The following ASIC4 variants were observed in gnomAD, a reference collection of about 807,000 sequenced individuals.
The protein encoded by ASIC4 is acid sensing ion channel subunit family member 4.
Under a neutral mutation model 53.4 loss-of-function variants are expected in ASIC4, and 28 were observed. The observed-to-expected ratio is 0.52, with a 90% CI of 0.39 to 0.72. The LOEUF is 0.72. Ranked by LOEUF, ASIC4 falls within the 30% of genes least tolerant of loss-of-function variation. ASIC4 has a pLI of 0.00. For synonymous variants in ASIC4, 289 were observed against 301.4 expected, an observed-to-expected ratio of 0.96 and a Z score of 0.43; for missense variants, 649 against 729.7, an observed-to-expected ratio of 0.89 and a Z score of 1.27.
chr2:219,515,191 G>T lies in ASIC4; in HGVS notation c.467G>T (p.Arg156Leu). The change falls in exon 1 of 10, where the codon CGC becomes CTC. Residue 156 changes from arginine to leucine, a missense_variant. Transcript: ENST00000358078. Reference sequence around the variant, plus strand: ...GATGGGCACCGTGCGGCTGGCCTGCGCTACCCAGAGCCTGACATGGTAGAC... The same window carrying T: ...GATGGGCACCGTGCGGCTGGCCTGCTCTACCCAGAGCCTGACATGGTAGAC... ...DRDGHRAAGL[R>L]YPEPDMVDIL... The T allele has an allele frequency of 6.2e-7, 1 of 1,614,178 alleles. No homozygotes were observed. The highest frequency in any genetic ancestry group is 8.5e-7 in the Non-Finnish European group (1 of 1,180,016).
chr2:219,537,862 C>A lies in ASIC4; in HGVS notation c.1507-71C>A. On this transcript the variant is annotated intron_variant, in intron 9 of 9. Transcript: ENST00000358078. The surrounding 1 kb of genome is among the most constrained non-coding windows in gnomAD (Gnocchi z 4.9). ...CTCTGCCCGAGGTGACAAGGAAAGGCTGGCGGTGTGAGCCCTGGGGGCACC... is the reference window on the plus strand; with the variant it reads ...CTCTGCCCGAGGTGACAAGGAAAGGATGGCGGTGTGAGCCCTGGGGGCACC... 1 of 1,493,254 alleles carries A rather than the reference C, an allele frequency of 6.7e-7. No individual in the cohort carries two copies. Among genetic ancestry groups the A allele is most frequent in the Non-Finnish European group, 9.2e-7 (1 of 1,092,398 alleles). 92.5% of individuals were successfully genotyped at this position (1,493,254 alleles called of 1,614,324 possible).
chr2:219,531,933 C>T (rs778116037), intron 2 of ASIC4, 31 bp downstream of exon 2: 18 of 1,611,730 alleles, frequency 1.1e-5, no homozygotes, highest in Non-Finnish European at 1.4e-5. Context: ...CAAGGGCCAC[C>T]TTGGGGACTG....
intron 1 of ASIC4, among the ~76,000 whole-genome samples, chr2:219,519,019 C>G (rs566279554): frequency 6.6e-5 from 10 of 152,306 alleles, no homozygotes; most frequent in Admixed American, 6.5e-4. Flanking sequence ...ATTCTCTTGC[C>G]TCAGCCTCCT....
At position 219,522,708 on chromosome 2, in the gene ASIC4, T is replaced by G. The variant is rs374308007; in HGVS notation, c.582+7402T>G. 4.0e-5 allele frequency among the ~76,000 whole-genome samples: 6 copies of G among 151,758 alleles called. 1 individual carries two copies. The highest frequency in any genetic ancestry group is 2.0e-4 in the Admixed American group (3 of 15,284). On this transcript the variant is annotated intron_variant, in intron 1 of 9. Transcript: ENST00000358078. The stretch of plus-strand genomic sequence containing the variant: ...CAGGCCCAGCTCCGCATCCATCTCC[T>G]CGGGACCCCCGCCCCCGTCGCCCCC...
chr2:219,532,828 G>A, intron 4 of ASIC4, 55 bp from the exon 5 acceptor site: 1 of 1,535,914 alleles, frequency 6.5e-7, no homozygotes, highest in Non-Finnish European at 9.0e-7. Flanking sequence ...ATTTGGGCGT[G>A]TGGGGGACAG....
chr2:219,535,303 ACC>A lies in ASIC4; in HGVS notation c.1209_1210del (p.Asn403LysfsTer18), dbSNP rs771267404. 1.2e-6 allele frequency: 2 copies of A among 1,609,548 alleles called. No homozygotes were observed. The highest frequency in any genetic ancestry group is 1.7e-6 in the Non-Finnish European group (2 of 1,177,602). On this transcript the variant is annotated frameshift_variant, in exon 6 of 10. Coordinates refer to ENST00000358078, the MANE Select transcript of ASIC4 (RefSeq NM_018674.6). LOFTEE classifies it high-confidence loss of function. The stretch of plus-strand genomic sequence containing the variant: ...GCCCGGTACCTGGCGAGGAAGTACA[ACC>A]GCAACGAGACCTACATACGGTATGT...
rs909873667 is a variant in ASIC4 at position 219,536,944 on chromosome 2, G to C, written c.1230-122G>C. 5.0e-6 allele frequency: 4 copies of C among 806,532 alleles called. No homozygotes were observed. The highest frequency in any genetic ancestry group is 1.6e-5 in the South Asian group (1 of 61,110). 50.0% of individuals were successfully genotyped at this position (806,532 alleles called of 1,614,324 possible). The stretch of plus-strand genomic sequence containing the variant: ...CCCCTCACAGCCTTGGGGAGTCCGG[G>C]GGGTAGTCACTGACTTCCCCATGTA... On this transcript the variant is annotated intron_variant, in intron 6 of 9. Coordinates refer to ENST00000358078, the MANE Select transcript of ASIC4 (RefSeq NM_018674.6). This position sits in a 1 kb window ranked among gnomAD's most constrained non-coding sequence, Gnocchi z 4.6.
At position 219,530,318 on chromosome 2, in the gene ASIC4, C is replaced by A. The variant is rs575276004; in HGVS notation, c.583-1440C>A. Among the ~76,000 whole-genome samples the A allele has an allele frequency of 4.6e-5, 7 of 152,392 alleles. No homozygotes were observed. In the East Asian group the frequency reaches 1.3e-3, roughly 29 times the overall value. ...GTGGCAGCTAAATCCCCAGCGGGAG[C>A]CTGGGCTTCCATCTCCGGGGCGCCA... On this transcript the variant is annotated intron_variant, in intron 1 of 9. Transcript: ENST00000358078.
rs1223885434 is a variant in ASIC4 at position 219,514,808 on chromosome 2, C to T, written c.84C>T (p.Ser28=). Reference sequence around the variant, plus strand: ...AGAAGGAGGCAGGGGATGAGCAGAGCCTCCTCGGGGCTGTTGCCCCTGGAG... The same window carrying T: ...AGAAGGAGGCAGGGGATGAGCAGAGTCTCCTCGGGGCTGTTGCCCCTGGAG... ...PKEKEAGDEQ[S]LLGAVAPGAA... Residue 28 remains serine (S), a synonymous_variant, in exon 1 of 10, where the codon AGC becomes AGT. Coordinates refer to ENST00000358078, the MANE Select transcript of ASIC4 (RefSeq NM_018674.6). 1.2e-6 allele frequency: 2 copies of T among 1,613,296 alleles called. No homozygotes were observed. The highest frequency in any genetic ancestry group is 2.7e-5 in the African/African-American group (2 of 74,922).
At chr2:219,514,042 C>T, upstream of ASIC4, 2 of 410,686 alleles carry the variant, frequency 4.9e-6, no homozygotes, top group Non-Finnish European at 8.6e-6. Flanking sequence ...TCTCAGAGGC[C>T]AGGAGGTGGG....
chr2:219,534,031 CAAAAAAAAAAAAAAAAA>C (rs71266343), intron 5 of ASIC4: 1 of 64,862 alleles, frequency 1.5e-5, no homozygotes, highest in Admixed American at 1.8e-4. Flanking sequence ...TACCCTGTCT[CAAAAAAAAAAAAAAAAA>C]AAAAAAAAAA....
rs1234723872 is a variant in ASIC4 at position 219,518,826 on chromosome 2, C to T, written c.582+3520C>T. The stretch of plus-strand genomic sequence containing the variant: ...CTCTCACCTGGGGACCACCAGGATT[C>T]GAACCTCGGCTCTACGCATTAAGCT... On this transcript the variant is annotated intron_variant, in intron 1 of 9. Coordinates refer to ENST00000358078, the MANE Select transcript of ASIC4 (RefSeq NM_018674.6). This position sits in a 1 kb window ranked among gnomAD's most constrained non-coding sequence, Gnocchi z 4.8. Among the ~76,000 whole-genome samples the T allele has an allele frequency of 6.6e-6, 1 of 152,230 alleles. No homozygotes were observed. Among genetic ancestry groups the T allele is most frequent in the Non-Finnish European group, 1.5e-5 (1 of 68,048 alleles).
chr2:219,532,917 C>G lies in ASIC4; in HGVS notation c.1053C>G (p.Ile351Met). Residue 351 changes from isoleucine to methionine, a missense_variant, in exon 5 of 10, where the codon ATC (isoleucine) becomes ATG (methionine). By Grantham distance (10) the Ile-to-Met change is conservative. Coordinates refer to ENST00000358078, the MANE Select transcript of ASIC4 (RefSeq NM_018674.6). Reference protein sequence around the residue: ...NETICPPNIYIECADHTLDSL... With the variant: ...NETICPPNIYMECADHTLDSL... ...CCATCTGCCCACCAAATATCTACAT[C>G]GAGTGTGCAGACCACACACTGGGTC... is the stretch of plus-strand genomic sequence containing the variant. 1 of 1,614,040 alleles carries G rather than the reference C, an allele frequency of 6.2e-7. No individual in the cohort carries two copies. Among genetic ancestry groups the G allele is most frequent in the Non-Finnish European group, 8.5e-7 (1 of 1,179,972 alleles).
Position 219,537,735 on chromosome 2 carries a change from A to G in ASIC4, c.1505A>G (p.Gln502Arg). ...TTGGGGCTTCAGGAGCTGAAGGAACAGGTGAGGACAAGCTCTAAATGCCTG... is the reference window on the plus strand; with the variant it reads ...TTGGGGCTTCAGGAGCTGAAGGAACGGGTGAGGACAAGCTCTAAATGCCTG... Reference protein sequence around the residue: ...STLGLQELKEQSPCPSRGRVE... With the variant: ...STLGLQELKERSPCPSRGRVE... Residue 502 changes from glutamine to arginine, a missense_variant and splice_region_variant, in exon 9 of 10, where the codon CAG (glutamine) becomes CGG (arginine). Transcript: ENST00000358078. This position sits in a 1 kb window ranked among gnomAD's most constrained non-coding sequence, Gnocchi z 4.9. 1 of 1,612,812 alleles carries G rather than the reference A, an allele frequency of 6.2e-7. No individual in the cohort carries two copies. The highest frequency in any genetic ancestry group is 8.5e-7 in the Non-Finnish European group (1 of 1,179,362).
At chr2:219,511,929 G>C (rs1046883176), upstream of ASIC4, among the ~76,000 whole-genome samples, 1 of 152,020 alleles carries the variant, frequency 6.6e-6, no homozygotes, top group Admixed American at 6.6e-5. The surrounding 1 kb of genome is among the most constrained non-coding windows in gnomAD (Gnocchi z 5.3). Context: ...CGGGGCCAGA[G>C]GCAAAGGGGG....
At chr2:219,533,088 T>A in intron 5 of ASIC4, 149 bp downstream of exon 5, 1 of 877,808 alleles carries the variant, frequency 1.1e-6, no homozygotes, top group Non-Finnish European at 1.9e-6. Flanking sequence ...TTCAGTGGGG[T>A]TGGGGAGAGG....
At chr2:219,529,283 A>G (rs1367181562) in intron 1 of ASIC4, among the ~76,000 whole-genome samples, 1 of 152,178 alleles carries the variant, frequency 6.6e-6, no homozygotes. Context: ...TGCCCCACAG[A>G]TGGATACATA....
In ASIC4 at chr2:219,537,915, CTT is replaced by C. The variant is rs1461806082; in HGVS notation, c.1507-15_1507-14del. 1.9e-6 allele frequency: 3 copies of C among 1,584,544 alleles called. No individual in the cohort carries two copies. Among genetic ancestry groups the C allele is most frequent in the Admixed American group, 1.7e-5 (1 of 57,248 alleles). On this transcript the variant is annotated splice_polypyrimidine_tract_variant and intron_variant, in intron 9 of 9. Coordinates refer to ENST00000358078, the MANE Select transcript of ASIC4 (RefSeq NM_018674.6). The surrounding 1 kb of genome is among the most constrained non-coding windows in gnomAD (Gnocchi z 4.9). ...TTGAGCTCTCCCGGTCCCACTCTCT[CTT>C]TTCTTTCTCCTGCAGAGTCCCTGCC...
chr2:219,516,336 C>G lies in ASIC4; in HGVS notation c.582+1030C>G, dbSNP rs1357231156. Reference sequence around the variant, plus strand: ...TGGAGACTGCTGGCGCCATCTGTCACCTACGTGTGAGCACAAACACAAGCA... The same window carrying G: ...TGGAGACTGCTGGCGCCATCTGTCAGCTACGTGTGAGCACAAACACAAGCA... On this transcript the variant is annotated intron_variant, in intron 1 of 9. Transcript: ENST00000358078. The surrounding 1 kb of genome is among the most constrained non-coding windows in gnomAD (Gnocchi z 4.9). Among the ~76,000 whole-genome samples the G allele has an allele frequency of 6.6e-6, 1 of 152,140 alleles. No homozygotes were observed. The highest frequency in any genetic ancestry group is 1.9e-4 in the East Asian group (1 of 5,192).
Sources: gnomAD v4.1 joint callset for allele counts (sites outside exome capture counted in the v4.1 genomes callset) on GRCh38, gnomAD v4.1.1 for gene constraint, Gnocchi (gnomAD v3.1) non-coding constraint, MANE v1.5 for transcripts, NCBI Gene and HGNC (gene_info 2026-07-23, HGNC 2026-07-21) for gene names.